HDGFL2: variants seen among roughly 807,000 people sequenced by gnomAD.
The protein encoded by HDGFL2 is hepatoma-derived growth factor-related protein 2.
In HDGFL2, 36 loss-of-function variants were observed where a neutral mutation model predicts 77.1. That is an observed-to-expected ratio of 0.47 (90% CI 0.36 to 0.62). The LOEUF is 0.62. Ranked by LOEUF, HDGFL2 falls within the 20% of genes least tolerant of loss-of-function variation. HDGFL2 has a pLI of 0.00. For synonymous variants in HDGFL2, 463 were observed against 413.1 expected, an observed-to-expected ratio of 1.12 and a Z score of -1.46; for missense variants, 976 against 973.4, an observed-to-expected ratio of 1.00 and a Z score of -0.04.
intron 6 of HDGFL2, among the ~76,000 whole-genome samples, chr19:4,492,965 CTGTGGTG>C (rs1568213051): frequency 1.0e-5 from 1 of 98,410 alleles, no homozygotes; most frequent in African/African-American, 4.1e-5. Context: ...TGTGAGTTGT[CTGTGGTG>C]TGTGGTGTCT....
At chr19:4,482,297 C>T (rs1414255770) in intron 3 of HDGFL2, among the ~76,000 whole-genome samples, 3 of 152,030 alleles carry the variant, frequency 2.0e-5, no homozygotes, top group African/African-American at 7.2e-5. Context: ...GCAAGCTCCA[C>T]CTCCCAAGTT....
intron 10 of HDGFL2, 90 bp from the exon 11 acceptor site, chr19:4,497,868 A>G (rs1975747893): frequency 8.7e-7 from 1 of 1,152,436 alleles, no homozygotes; most frequent in East Asian, 2.6e-5. Flanking sequence ...TTTCCTTTGC[A>G]GTGGGTTTGG....
chr19:4,495,878 T>C (rs1029426488), intron 9 of HDGFL2, among the ~76,000 whole-genome samples: 1 of 152,150 alleles, frequency 6.6e-6, no homozygotes, highest in Admixed American at 6.5e-5. Context: ...CAATGTGGCC[T>C]GAATCCAGAG....
chr19:4,494,052 T>C lies in HDGFL2; in HGVS notation c.909T>C (p.Ser303=). Residue 303 remains serine (S), a synonymous_variant, in exon 8 of 16, where the codon AGT becomes AGC. Coordinates refer to ENST00000616600, the MANE Select transcript of HDGFL2 (RefSeq NM_001001520.3). The part of the protein sequence containing the change: ...KPERPPSSSS[S]DSDSDEVDRI... ...AACGGCCTCCGTCCAGCTCCAGCAG[T>C]GACAGGTGGGTGCTGGGGCTGGGGT... is the stretch of plus-strand genomic sequence containing the variant. 1 of 1,606,900 alleles carries C rather than the reference T, an allele frequency of 6.2e-7. No homozygotes were observed.
intron 3 of HDGFL2, among the ~76,000 whole-genome samples, chr19:4,477,060 C>T (rs1975091451): frequency 6.6e-6 from 1 of 152,044 alleles, no homozygotes; most frequent in Non-Finnish European, 1.5e-5. Flanking sequence ...TTGGCTTTTG[C>T]GAGTGGAGGA....
At position 4,491,943 on chromosome 19, in the gene HDGFL2, G is replaced by A. The variant is rs1424233721; in HGVS notation, c.678+108G>A. On this transcript the variant is annotated intron_variant, in intron 6 of 15. Coordinates refer to ENST00000616600, the MANE Select transcript of HDGFL2 (RefSeq NM_001001520.3). ...GCCATTTCTGGAGGGGGTGGGACAC[G>A]GACTGCAGGGTACCCGAGGGGACCG... The A allele has an allele frequency of 5.0e-6, 5 of 1,000,796 alleles. No homozygotes were observed. In the East Asian group the frequency reaches 7.2e-5, roughly 14 times the overall value. The allele number at this position is 1,000,796 out of a possible 1,614,324, so 62.0% of individuals were successfully genotyped here. A position where few individuals can be genotyped will look rare whatever the true frequency, so the allele number is the denominator to read the frequency against.
At chr19:4,500,729 G>A (rs182415788) in intron 14 of HDGFL2, among the ~76,000 whole-genome samples, 169 of 152,286 alleles carry the variant, frequency 1.1e-3, no homozygotes, top group African/African-American at 3.9e-3. Context: ...CCAAAGTGCT[G>A]GGATTACAGG....
At chr19:4,499,409 C>T (rs964460465) in intron 13 of HDGFL2, 82 bp from the exon 14 acceptor site, 16 of 1,246,246 alleles carry the variant, frequency 1.3e-5, no homozygotes, top group Middle Eastern at 4.0e-4. Context: ...GCGGGAGGGG[C>T]GCATTGCTGG....
At chr19:4,494,625 A>T in intron 9 of HDGFL2, 150 bp downstream of exon 9, 1 of 556,576 alleles carries the variant, frequency 1.8e-6, no homozygotes, top group Non-Finnish European at 2.7e-6. Flanking sequence ...GGGGACATTC[A>T]TGGGAGGGAG....
At chr19:4,478,265 T>A (rs1218136496) in intron 3 of HDGFL2, among the ~76,000 whole-genome samples, 2 of 147,572 alleles carry the variant, frequency 1.4e-5, no homozygotes, top group Admixed American at 1.4e-4. Flanking sequence ...TGCAGTGGTG[T>A]GGTCTTGGCT....
At chr19:4,500,663 G>A (rs1045218330) in intron 14 of HDGFL2, among the ~76,000 whole-genome samples, 1 of 152,092 alleles carries the variant, frequency 6.6e-6, no homozygotes, top group Non-Finnish European at 1.5e-5. Flanking sequence ...GGGTTTCACC[G>A]TGTTATCCAG....
At chr19:4,484,193 C>T (rs534663235) in intron 3 of HDGFL2, among the ~76,000 whole-genome samples, 22 of 149,898 alleles carry the variant, frequency 1.5e-4, no homozygotes, top group Non-Finnish European at 3.2e-4. Context: ...AAGTGATTCT[C>T]GTGCCTCAGC....
intron 7 of HDGFL2, 25 bp from the exon 8 acceptor site, chr19:4,493,957 T>C: frequency 6.3e-7 from 1 of 1,594,912 alleles, no homozygotes; most frequent in East Asian, 2.3e-5. Flanking sequence ...GAAGGGAAGG[T>C]CACCCCCTCC....
chr19:4,487,359 C>T (rs1975389438), intron 3 of HDGFL2, among the ~76,000 whole-genome samples: 1 of 152,030 alleles, frequency 6.6e-6, no homozygotes, highest in East Asian at 1.9e-4. Flanking sequence ...TAGGCTCAAG[C>T]GATCCTCCTG....
chr19:4,493,995 C>G lies in HDGFL2; in HGVS notation c.852C>G (p.Leu284=). ...PRGRKPAEKP[L]PKPRGRKPKP... The stretch of plus-strand genomic sequence containing the variant: ...CTCTTCCTGTAGCGGAGAAGCCTCT[C>G]CCGAAGCCGCGAGGGCGGAAACCGA... Residue 284 remains leucine (L), a synonymous_variant, in exon 8 of 16, where the codon CTC becomes CTG. Transcript: ENST00000616600. 6.2e-7 allele frequency: 1 copy of G among 1,610,838 alleles called. No individual in the cohort carries two copies. Among genetic ancestry groups the G allele is most frequent in the East Asian group, 2.2e-5 (1 of 44,764 alleles).
chr19:4,481,113 C>T (rs1309471103), intron 3 of HDGFL2, among the ~76,000 whole-genome samples: 1 of 151,800 alleles, frequency 6.6e-6, no homozygotes, highest in Non-Finnish European at 1.5e-5. Flanking sequence ...GCTCCGCCTC[C>T]TGGGTTCACG....
rs572948397 is a variant in HDGFL2, at chr19:4,478,305, C to T, written c.288+2722C>T. On this transcript the variant is annotated intron_variant, in intron 3 of 15. Coordinates refer to ENST00000616600, the MANE Select transcript of HDGFL2 (RefSeq NM_001001520.3). ...GCAACCTCCGCCTCCCGGGTTCAAGCGATTCTCCTGCCTCAGCCTCCCGAG... is the reference window on the plus strand; with the variant it reads ...GCAACCTCCGCCTCCCGGGTTCAAGTGATTCTCCTGCCTCAGCCTCCCGAG... Among the ~76,000 whole-genome samples, 321 of 149,310 alleles carry T rather than the reference C, an allele frequency of 2.1e-3. 1 individual carries two copies. Among genetic ancestry groups the T allele is most frequent in the African/African-American group, 7.3e-3 (296 of 40,734 alleles).
chr19:4,487,776 G>C (rs969440040), intron 3 of HDGFL2, among the ~76,000 whole-genome samples: 2 of 152,054 alleles, frequency 1.3e-5, no homozygotes, highest in Admixed American at 1.3e-4. Flanking sequence ...TGTGTGACCC[G>C]GTCACGTGCC....
intron 7 of HDGFL2, 55 bp from the exon 8 acceptor site, chr19:4,493,927 C>A: frequency 6.4e-7 from 1 of 1,553,596 alleles, no homozygotes; most frequent in Non-Finnish European, 8.7e-7. Context: ...AGGCAGTCCC[C>A]TGGTCACCTT....
Sources: gnomAD v4.1 joint callset for allele counts (sites outside exome capture counted in the v4.1 genomes callset) on GRCh38, gnomAD v4.1.1 for gene constraint, MANE v1.5 for transcripts, NCBI Gene and HGNC (gene_info 2026-07-23, HGNC 2026-07-21) for gene names.